Variants in ICE2 observed in about 807,000 individuals in gnomAD.
ICE2 encodes the protein little elongation complex subunit 2.
Under a neutral mutation model 105.4 loss-of-function variants are expected in ICE2, and 87 were observed. The ratio of observed to expected loss-of-function variants is 0.83; its 90% CI spans 0.69 to 0.99. The LOEUF (loss-of-function observed/expected upper bound fraction) is 0.99, where lower values mean the gene tolerates loss of function less well. Among genes scored for constraint, ICE2 ranks in the 50% least tolerant of loss-of-function variants. The probability of loss-of-function intolerance (pLI) is 0.00; values close to 1 mark genes in which losing one functional copy is unlikely to be tolerated. For missense variants in ICE2, 1,323 were observed against 1,146.7 expected, an observed-to-expected ratio of 1.15 and a Z score of -2.22; for synonymous variants, 399 against 392.0, an observed-to-expected ratio of 1.02 and a Z score of -0.21.
At chr15:60,451,611 T>G (rs2063967788) in intron 9 of ICE2, 1 of 985,086 alleles carries the variant, frequency 1.0e-6, no homozygotes, top group Non-Finnish European at 1.2e-6. Flanking sequence ...CATTTTTACT[T>G]ACTTTTACCT....
At chr15:60,438,084 T>G (rs960175420) in intron 12 of ICE2, 2 of 152,200 alleles carry the variant, frequency 1.3e-5, no homozygotes, top group African/African-American at 4.8e-5. Flanking sequence ...CAAAACAGGT[T>G]GAGAGCTAAC....
chr15:60,448,196 A>G (rs2063868210), intron 10 of ICE2, 51 bp from the exon 11 acceptor site: 1 of 1,140,928 alleles, frequency 8.8e-7, no homozygotes, highest in African/African-American at 1.6e-5. Context: ...CTTACCCATC[A>G]TAAGCAAGGA....
chr15:60,457,916 T>C (rs2064171881), intron 5 of ICE2, among the ~76,000 whole-genome samples: 1 of 152,204 alleles, frequency 6.6e-6, no homozygotes, highest in South Asian at 2.1e-4. Flanking sequence ...TGGTAGTTAT[T>C]ACAAGAATTT....
chr15:60,450,317 C>T (rs961321498), intron 9 of ICE2, among the ~76,000 whole-genome samples: 1 of 152,134 alleles, frequency 6.6e-6, no homozygotes, highest in Non-Finnish European at 1.5e-5. Context: ...TCTGGTGCAC[C>T]CTTAATATCA....
rs1251029031 is a variant in ICE2 at position 60,421,904 on chromosome 15, A to C, written c.*1730T>G. ...TATAACAAAAAATCAAAATGAAACA[A>C]AACTTGGTAGTTGAATATAAGTATT... is the stretch of plus-strand genomic sequence containing the variant. On this transcript the variant is annotated 3_prime_UTR_variant, in exon 16 of 16. Transcript: ENST00000261520. 6.6e-6 allele frequency: 1 copy of C among 152,196 alleles called. No individual in the cohort carries two copies. The highest frequency in any genetic ancestry group is 1.5e-5 in the Non-Finnish European group (1 of 68,034). The allele number at this position is 152,196 out of a possible 1,614,324, so 9.4% of individuals were successfully genotyped here.
intron 12 of ICE2, chr15:60,440,331 T>C (rs1246733447): frequency 1.3e-5 from 2 of 152,218 alleles, no homozygotes; most frequent in African/African-American, 4.8e-5. Flanking sequence ...ATATCAACTA[T>C]ATAGAATTGA....
chr15:60,456,580 T>TACACACACACACACACAC, intron 6 of ICE2, 77 bp downstream of exon 6: 1 of 118,742 alleles, frequency 8.4e-6, no homozygotes, highest in East Asian at 4.6e-4. Flanking sequence ...TATATATATA[T>TACACACACACACACACAC]ATATACACAC....
At chr15:60,443,176 T>C (rs1203909182) in intron 11 of ICE2, 3 of 152,222 alleles carry the variant, frequency 2.0e-5, no homozygotes, top group African/African-American at 7.2e-5. Flanking sequence ...AAAATGACTG[T>C]ACCTATTACT....
chr15:60,428,401 G>T, intron 15 of ICE2, 28 bp downstream of exon 15: 2 of 1,602,018 alleles, frequency 1.2e-6, no homozygotes, highest in South Asian at 1.1e-5. Flanking sequence ...ACAACCTAAT[G>T]AACCTTTAAT....
At chr15:60,469,077 T>C (rs150104807) in intron 3 of ICE2, among the ~76,000 whole-genome samples, 6 of 152,168 alleles carry the variant, frequency 3.9e-5, no homozygotes, top group African/African-American at 9.7e-5. Flanking sequence ...GAGTCACCAA[T>C]GTTTAAAAAT....
At chr15:60,461,001 G>GT (rs1353468215) in intron 5 of ICE2, among the ~76,000 whole-genome samples, 1 of 146,766 alleles carries the variant, frequency 6.8e-6, no homozygotes, top group African/African-American at 2.5e-5. Flanking sequence ...CATGCATTTA[G>GT]TATGTTTAGC....
chr15:60,443,630 G>C (rs1287452488), intron 11 of ICE2, among the ~76,000 whole-genome samples: 1 of 152,166 alleles, frequency 6.6e-6, no homozygotes, highest in Non-Finnish European at 1.5e-5. Context: ...TTGTTCCAGG[G>C]ACCATACTTT....
intron 13 of ICE2, among the ~76,000 whole-genome samples, chr15:60,435,812 CAA>C (rs1566973868): frequency 6.6e-6 from 1 of 151,916 alleles, no homozygotes; most frequent in African/African-American, 2.4e-5. Context: ...CCCGTCTCCA[CAA>C]AAAATACAAA....
chr15:60,429,553 T>C (rs1456526671), intron 14 of ICE2, among the ~76,000 whole-genome samples: 1 of 152,216 alleles, frequency 6.6e-6, no homozygotes, highest in South Asian at 2.1e-4. Context: ...AATAAATATA[T>C]TGTGCTTTCT....
At chr15:60,460,537 C>G (rs940725149) in intron 5 of ICE2, among the ~76,000 whole-genome samples, 1 of 152,164 alleles carries the variant, frequency 6.6e-6, no homozygotes, top group Non-Finnish European at 1.5e-5. Flanking sequence ...CGAGGTAACT[C>G]AGTAAGGGAA....
rs367760148 is a variant in ICE2, at chr15:60,453,635, C to T, written c.1093G>A (p.Asp365Asn). ...TCAGATATAAACTCTTCAGGTTTGTCCATAAAGACTGCAGAGACTGGAACA... is the reference window on the plus strand; with the variant it reads ...TCAGATATAAACTCTTCAGGTTTGTTCATAAAGACTGCAGAGACTGGAACA... The part of the protein sequence containing the change: ...TSVPVSAVFM[D>N]KPEEFISEMD... The change falls in exon 9 of 16, where the codon GAC (aspartate) becomes AAC (asparagine). Residue 365 changes from aspartate (D) to asparagine (N), a missense_variant. Asp to Asn is a conservative substitution (Grantham distance 23). Coordinates refer to ENST00000261520, the MANE Select transcript of ICE2 (RefSeq NM_024611.6). 26 of 1,613,276 alleles carry T rather than the reference C, an allele frequency of 1.6e-5. No homozygotes were observed. Among genetic ancestry groups the T allele is most frequent in the Non-Finnish European group, 2.2e-5 (26 of 1,179,390 alleles).
chr15:60,429,295 A>C (rs1370733374), intron 14 of ICE2, among the ~76,000 whole-genome samples: 2 of 152,198 alleles, frequency 1.3e-5, no homozygotes, highest in Non-Finnish European at 2.9e-5. Flanking sequence ...TTCCACAATA[A>C]ACCTTCAAGG....
chr15:60,444,809 C>T (rs537313991), intron 11 of ICE2, among the ~76,000 whole-genome samples: 5 of 152,040 alleles, frequency 3.3e-5, no homozygotes, highest in African/African-American at 7.3e-5. Context: ...CTCAGCCTCC[C>T]GAGCAGCCAG....
At chr15:60,477,108 T>C (rs923397446) in intron 2 of ICE2, among the ~76,000 whole-genome samples, 4 of 152,234 alleles carry the variant, frequency 2.6e-5, no homozygotes, top group African/African-American at 7.2e-5. Flanking sequence ...AAGGCATTTA[T>C]CCAAAAAACT....
Sources: gnomAD v4.1 joint callset for allele counts (sites outside exome capture counted in the v4.1 genomes callset) on GRCh38, gnomAD v4.1.1 for gene constraint, MANE v1.5 for transcripts, NCBI Gene and HGNC (gene_info 2026-07-23, HGNC 2026-07-21) for gene names.